Variants in CACNA1B observed in about 807,000 individuals in gnomAD.
CACNA1B encodes calcium voltage-gated channel subunit alpha1 B.
A neutral mutation model predicts 247.2 loss-of-function variants in CACNA1B; 70 were observed. The ratio of observed to expected loss-of-function variants is 0.28; its 90% CI spans 0.23 to 0.35. The LOEUF (loss-of-function observed/expected upper bound fraction) is 0.35, where lower values mean the gene tolerates loss of function less well. Among genes scored for constraint, CACNA1B ranks in the 10% least tolerant of loss-of-function variants. CACNA1B has a pLI of 1.00. For missense variants in CACNA1B, 2,367 were observed against 3,197.4 expected (o/e 0.74, Z 6.26); for synonymous variants, 1,231 against 1,294.4 (o/e 0.95, Z 1.05).
chr9:138,083,131 G>A (rs1176543221), intron 36 of CACNA1B, among the ~76,000 whole-genome samples: 1 of 150,986 alleles, frequency 6.6e-6, no homozygotes. Flanking sequence ...GCTCCCTCCA[G>A]AGACAAAGCC....
At chr9:137,910,927 C>T (rs1957353216) in intron 3 of CACNA1B, among the ~76,000 whole-genome samples, 1 of 152,114 alleles carries the variant, frequency 6.6e-6, no homozygotes, top group African/African-American at 2.4e-5. Context: ...ATTGCCTGTG[C>T]TCTTGGTGTC....
intron 11 of CACNA1B, among the ~76,000 whole-genome samples, chr9:137,975,302 C>G (rs1012548815): frequency 6.6e-6 from 1 of 152,150 alleles, no homozygotes; most frequent in Non-Finnish European, 1.5e-5. Flanking sequence ...TTGGCAGCCT[C>G]GTGCTGGAGA....
At chr9:138,008,009 T>C (rs1485930624) in intron 16 of CACNA1B, among the ~76,000 whole-genome samples, 1 of 152,168 alleles carries the variant, frequency 6.6e-6, no homozygotes, top group African/African-American at 2.4e-5. Flanking sequence ...GTCTTGTTAG[T>C]CACGGGGTGG....
At chr9:137,907,627 AT>A (rs1957313258) in intron 3 of CACNA1B, among the ~76,000 whole-genome samples, 1 of 152,008 alleles carries the variant, frequency 6.6e-6, no homozygotes, top group Admixed American at 6.6e-5. Flanking sequence ...AGTTATTTGT[AT>A]TTTTCATATG....
rs1491230913 is a variant in CACNA1B at position 138,022,808 on chromosome 9, G to GT, written c.2268-203_2268-202insT. ...TTGCGGGTCCTGTGGGACACCGTGG[G>GT]GGGGGGGGGCGGCGGGGCTGAATTC... On this transcript the variant is annotated intron_variant, in intron 18 of 46. Transcript: ENST00000371372. 1.4e-4 allele frequency among the ~76,000 whole-genome samples: 10 copies of GT among 69,540 alleles called. No individual in the cohort carries two copies. The East Asian group carries it at 0.012, about 80-fold the overall frequency. 45.6% of individuals were successfully genotyped at this position (69,540 alleles called of 152,430 possible).
rs1959224737 is a variant in CACNA1B, at chr9:138,050,026, G to C, written c.3710+711G>C. The C allele has an allele frequency of 7.8e-7, 1 of 1,281,518 alleles. No individual in the cohort carries two copies. 79.4% of individuals were successfully genotyped at this position (1,281,518 alleles called of 1,614,324 possible). A position where few individuals can be genotyped will look rare whatever the true frequency, so the allele number is the denominator to read the frequency against. ...CTGAGCGGCTGGGAGGGCTGCTCCT[G>C]GTGCCACTGACTCTGTTCTCTTTGT... On this transcript the variant is annotated intron_variant, in intron 24 of 46. Coordinates refer to ENST00000371372, the MANE Select transcript of CACNA1B (RefSeq NM_000718.4). The surrounding 1 kb of genome is among the most constrained non-coding windows in gnomAD (Gnocchi z 5.2).
rs114104011 is a variant in CACNA1B, at chr9:138,063,370, C to T, written c.4668+3633C>T. On this transcript the variant is annotated intron_variant, in intron 31 of 46. Transcript: ENST00000371372. ...TTAGCCAGGCATAGTGGCACACGCC[C>T]GTAGTCCCAGCTACCCAGGAGGCTG... is the stretch of plus-strand genomic sequence containing the variant. Among the ~76,000 whole-genome samples the T allele has an allele frequency of 9.0e-3, 1,366 of 152,286 alleles. 13 individuals are homozygous for T. Among genetic ancestry groups the T allele is most frequent in the African/African-American group, 0.03 (1,245 of 41,558 alleles).
chr9:138,030,468 C>A (rs2133449712), intron 20 of CACNA1B, among the ~76,000 whole-genome samples: 1 of 152,070 alleles, frequency 6.6e-6, no homozygotes, highest in Non-Finnish European at 1.5e-5. Flanking sequence ...CTCTATGTTG[C>A]TGAATTCTAT....
rs755377097 is a variant in CACNA1B at position 138,013,203 on chromosome 9, C to T, written c.2235C>T (p.Ser745=). 57 of 1,606,970 alleles carry T rather than the reference C, an allele frequency of 3.5e-5. No homozygotes were observed. The highest frequency in any genetic ancestry group is 6.8e-5 in the Admixed American group (4 of 58,854). The change falls in exon 18 of 47, where the codon AGC becomes AGT. Residue 745 remains serine (S), a synonymous_variant. Coordinates refer to ENST00000371372, the MANE Select transcript of CACNA1B (RefSeq NM_000718.4). ...LQKAKEVAEV[S]PMSAANISIA... ...AGGCCAAAGAAGTGGCTGAAGTCAGCCCCATGTCTGCCGCGAACATCTCCA... is the reference window on the plus strand; with the variant it reads ...AGGCCAAAGAAGTGGCTGAAGTCAGTCCCATGTCTGCCGCGAACATCTCCA...
At chr9:137,927,245 CTT>C (rs71387876) in intron 6 of CACNA1B, among the ~76,000 whole-genome samples, 401 of 136,394 alleles carry the variant, frequency 2.9e-3, no homozygotes, top group East Asian at 1.0e-2. Context: ...CTTTCTTCTT[CTT>C]TTTTTTTTTT....
At chr9:137,937,465 T>C (rs1455645348) in intron 6 of CACNA1B, among the ~76,000 whole-genome samples, 1 of 152,164 alleles carries the variant, frequency 6.6e-6, no homozygotes, top group Non-Finnish European at 1.5e-5. Context: ...CTAAGAATAA[T>C]TGGCGTTCCT....
At chr9:138,068,509 C>T (rs1564270248) in intron 31 of CACNA1B, 1 of 480,446 alleles carries the variant, frequency 2.1e-6, no homozygotes, top group Non-Finnish European at 4.2e-6. Flanking sequence ...CAGTGGCTGC[C>T]TCCTCCCTGT....
intron 6 of CACNA1B, among the ~76,000 whole-genome samples, chr9:137,932,270 G>A (rs1231811895): frequency 6.6e-6 from 1 of 152,148 alleles, no homozygotes; most frequent in Non-Finnish European, 1.5e-5. Flanking sequence ...CCAACCAAAA[G>A]GGGTGTGAGT....
At chr9:138,047,124 G>A (rs949229968) in intron 22 of CACNA1B, 91 bp downstream of exon 22, 2 of 1,251,138 alleles carry the variant, frequency 1.6e-6, no homozygotes, top group Non-Finnish European at 2.2e-6. Context: ...GTGGGGCTGA[G>A]GTCCTGTCGT....
intron 18 of CACNA1B, among the ~76,000 whole-genome samples, chr9:138,013,458 A>T (rs867386990): frequency 6.6e-6 from 1 of 151,990 alleles, no homozygotes; most frequent in Non-Finnish European, 1.5e-5. Context: ...CAGCCCTCAC[A>T]TTGTGGCTGG....
At chr9:137,879,608 C>T (rs1956889106) in intron 2 of CACNA1B, among the ~76,000 whole-genome samples, 1 of 152,242 alleles carries the variant, frequency 6.6e-6, no homozygotes, top group Admixed American at 6.5e-5. Context: ...TTGTGCGGGC[C>T]TGCTTGGAAC....
rs1306647236 is a variant in CACNA1B at position 138,054,806 on chromosome 9, TA to T, written c.3968+803del. Among the ~76,000 whole-genome samples, 5 of 152,216 alleles carry T rather than the reference TA, an allele frequency of 3.3e-5. No homozygotes were observed. Among genetic ancestry groups the T allele is most frequent in the African/African-American group, 1.2e-4 (5 of 41,452 alleles). On this transcript the variant is annotated intron_variant, in intron 26 of 46. Transcript: ENST00000371372. This position sits in a 1 kb window ranked among gnomAD's most constrained non-coding sequence, Gnocchi z 4.6. ...GTAGATGAGAGCCCCACATCCTAGC[TA>T]AATCTTGGTGTTTTCTTTCTCGCCT...
intron 15 of CACNA1B, among the ~76,000 whole-genome samples, chr9:137,998,454 A>T (rs1244416507): frequency 6.6e-6 from 1 of 152,108 alleles, no homozygotes; most frequent in Non-Finnish European, 1.5e-5. Flanking sequence ...TACTAAAAAT[A>T]CGTAAAATTA....
chr9:138,065,706 A>G (rs899089969), intron 31 of CACNA1B, among the ~76,000 whole-genome samples: 2 of 152,172 alleles, frequency 1.3e-5, no homozygotes, highest in African/African-American at 4.8e-5. Context: ...GGAGTTGCTA[A>G]TTGACAACTT....
Sources: allele counts gnomAD v4.1 joint callset (sites outside exome capture counted in the v4.1 genomes callset), GRCh38; gene constraint gnomAD v4.1.1; non-coding constraint Gnocchi (gnomAD v3.1); transcripts MANE v1.5; gene names NCBI Gene and HGNC (gene_info 2026-07-23, HGNC 2026-07-21).